GPHN: variants seen among roughly 807,000 people sequenced by gnomAD.
GPHN encodes the protein gephyrin.
Under a neutral mutation model 95.5 loss-of-function variants are expected in GPHN, and 17 were observed. That is an observed-to-expected ratio of 0.18 (90% CI 0.12 to 0.27). GPHN has a LOEUF of 0.27. Among genes scored for constraint, GPHN ranks in the 10% least tolerant of loss-of-function variants. GPHN has a pLI of 1.00. For synonymous variants in GPHN, 320 were observed against 322.5 expected (o/e 0.99, Z 0.08); for missense variants, 660 against 978.1 (o/e 0.67, Z 4.34).
intron 4 of GPHN, among the ~76,000 whole-genome samples, chr14:66,854,386 T>C (rs1042145511): frequency 1.4e-4 from 22 of 152,306 alleles, no homozygotes; most frequent in African/African-American, 5.0e-4. Context: ...GAATGGAAGA[T>C]GACAGCAACT....
the GPHN span, chr14:67,198,286 T>C: frequency 1.2e-6 from 2 of 1,613,880 alleles, no homozygotes; most frequent in Non-Finnish European, 1.7e-6. Context: ...GCCCCTTTTG[T>C]ATCTCCTCCC....
chr14:67,147,568 A>G (rs561126817), intron 18 of GPHN, among the ~76,000 whole-genome samples: 3 of 152,096 alleles, frequency 2.0e-5, no homozygotes, highest in African/African-American at 7.2e-5. Context: ...ACAAAGTCTC[A>G]CTCTGTCACC....
chr14:66,725,642 C>T (rs1384982374), intron 2 of GPHN, among the ~76,000 whole-genome samples: 1 of 152,228 alleles, frequency 6.6e-6, no homozygotes, highest in East Asian at 1.9e-4. Flanking sequence ...CGCCACCACG[C>T]CTGGCTAATT....
the GPHN span, chr14:67,662,622 A>G: frequency 8.3e-7 from 1 of 1,210,658 alleles, no homozygotes; most frequent in South Asian, 1.4e-5. Flanking sequence ...TAAGCTTCCT[A>G]TGGCAGGGCC....
chr14:67,266,864 T>A, the GPHN span, among the ~76,000 whole-genome samples: 1 of 151,724 alleles, frequency 6.6e-6, no homozygotes, highest in Non-Finnish European at 1.5e-5. Flanking sequence ...AATCCCAGCA[T>A]GTTGGGAGGC....
intron 1 of GPHN, among the ~76,000 whole-genome samples, chr14:66,511,379 G>C (rs147739575): frequency 6.6e-6 from 1 of 152,080 alleles, no homozygotes; most frequent in African/African-American, 2.4e-5. Context: ...CTCTTAAAAG[G>C]TGGAGGGTCT....
the GPHN span, among the ~76,000 whole-genome samples, chr14:67,631,592 C>T: frequency 1.3e-5 from 2 of 151,946 alleles, no homozygotes; most frequent in African/African-American, 4.8e-5. Flanking sequence ...CATGCCACCA[C>T]ACCAGTTAAC....
chr14:67,157,823 G>A (rs28368552), intron 18 of GPHN, among the ~76,000 whole-genome samples: 36,846 of 148,518 alleles, frequency 0.25, 9,276 homozygotes, highest in African/African-American at 0.62. Context: ...GAGAGACCCC[G>A]TCTCAAGAAG....
the GPHN span, chr14:67,615,781 A>G: frequency 5.7e-6 from 3 of 527,122 alleles, no homozygotes; most frequent in Non-Finnish European, 1.1e-5. Flanking sequence ...GGTCTCCTTC[A>G]GCCTTTTTCT....
chr14:66,587,213 A>C (rs1360907326), intron 1 of GPHN, among the ~76,000 whole-genome samples: 2 of 152,138 alleles, frequency 1.3e-5, no homozygotes, highest in Admixed American at 1.3e-4. Context: ...ACATAATAAC[A>C]AGTAAGGAGA....
At chr14:66,670,192 G>GTT (rs975427083) in intron 1 of GPHN, among the ~76,000 whole-genome samples, 17 of 152,150 alleles carry the variant, frequency 1.1e-4, no homozygotes, top group Admixed American at 3.3e-4. Flanking sequence ...GGTTTTCCAT[G>GTT]TTACTGCTGT....
At chr14:67,446,158 C>G in the GPHN span, 1 of 436,894 alleles carries the variant, frequency 2.3e-6, no homozygotes, top group South Asian at 1.7e-5. Context: ...TGGCTTTTTC[C>G]CTGATGCACT....
the GPHN span, among the ~76,000 whole-genome samples, chr14:67,324,390 G>A: frequency 6.6e-6 from 1 of 151,992 alleles, no homozygotes; most frequent in Non-Finnish European, 1.5e-5. Context: ...ACTCTGTCAG[G>A]TGACTTACTG....
intron 1 of GPHN, among the ~76,000 whole-genome samples, chr14:66,665,145 C>G (rs2153379523): frequency 6.6e-6 from 1 of 152,242 alleles, no homozygotes; most frequent in South Asian, 2.1e-4. Flanking sequence ...AGGCTAACAT[C>G]ATCCTGACAC....
chr14:67,520,360 C>T, the GPHN span, among the ~76,000 whole-genome samples: 1 of 152,240 alleles, frequency 6.6e-6, no homozygotes, highest in African/African-American at 2.4e-5. Flanking sequence ...CCCTTAACCC[C>T]TGGCAACCAC....
chr14:66,927,573 T>C (rs1005006263), intron 8 of GPHN, among the ~76,000 whole-genome samples: 15 of 152,154 alleles, frequency 9.9e-5, no homozygotes, highest in Non-Finnish European at 2.9e-5. Flanking sequence ...CTTCCAATGC[T>C]ATGTTGAATA....
At chr14:66,584,608 A>G (rs1177130588) in intron 1 of GPHN, among the ~76,000 whole-genome samples, 1 of 152,064 alleles carries the variant, frequency 6.6e-6, no homozygotes, top group Non-Finnish European at 1.5e-5. Context: ...GGGTTGTTGA[A>G]TTTTGTGGAA....
At position 66,550,140 on chromosome 14, in the gene GPHN, A is replaced by G. The variant is rs150685721; in HGVS notation, c.64+41549A>G. Among the ~76,000 whole-genome samples, 660 of 152,344 alleles carry G rather than the reference A, an allele frequency of 4.3e-3. 5 individuals carry two copies. The highest frequency in any genetic ancestry group is 0.014 in the African/African-American group (586 of 41,576). On this transcript the variant is annotated intron_variant, in intron 1 of 22. Transcript: ENST00000478722. ...ATTAAGAAATACATTTTGAAAGGCT[A>G]TATAGCTACCATAGATAGTAATTCC...
chr14:67,582,159 G>A, the GPHN span: 1 of 1,613,602 alleles, frequency 6.2e-7, no homozygotes, highest in South Asian at 1.1e-5. This position sits in a 1 kb window ranked among gnomAD's most constrained non-coding sequence, Gnocchi z 5.0. Flanking sequence ...TGGCAGGGAG[G>A]TTTCCTATCA....
Sources: allele counts gnomAD v4.1 joint callset (sites outside exome capture counted in the v4.1 genomes callset), GRCh38; gene constraint gnomAD v4.1.1; non-coding constraint Gnocchi (gnomAD v3.1); transcripts MANE v1.5; gene names NCBI Gene and HGNC (gene_info 2026-07-23, HGNC 2026-07-21).